The following COL5A2 variants were observed in gnomAD, a reference collection of about 807,000 sequenced individuals.
COL5A2 encodes collagen alpha-2(V) chain.
COL5A2 carries 23 observed loss-of-function variants against 208.2 expected under a neutral mutation model. The observed-to-expected ratio is 0.11, with a 90% CI of 0.08 to 0.16. The LOEUF is 0.16. COL5A2 is among the 10% of genes least tolerant of loss of function. COL5A2 has a pLI of 1.00. For missense variants in COL5A2, 1,590 were observed against 1,956.4 expected, an observed-to-expected ratio of 0.81 and a Z score of 3.53; for synonymous variants, 625 against 628.5, an observed-to-expected ratio of 0.99 and a Z score of 0.08.
intron 1 of COL5A2, chr2:189,133,114 C>CTTTTTT (rs751457732): frequency 1.6e-5 from 1 of 63,428 alleles, no homozygotes; most frequent in African/African-American, 5.1e-5. Flanking sequence ...CCAAGTACGA[C>CTTTTTT]TTTTTTTTTT....
chr2:189,051,269 T>C (rs1333438849), intron 42 of COL5A2, 51 bp downstream of exon 42: 8 of 1,611,610 alleles, frequency 5.0e-6, no homozygotes, highest in African/African-American at 1.3e-5. Context: ...TGGGTTTCTA[T>C]TTGTAAATAT....
At chr2:189,262,023 A>C in the COL5A2 span, among the ~76,000 whole-genome samples, 1 of 152,176 alleles carries the variant, frequency 6.6e-6, no homozygotes, top group Non-Finnish European at 1.5e-5. Flanking sequence ...TTGTTTTATC[A>C]ATATTACTTT....
rs144410979 is a variant in COL5A2 at position 189,051,642 on chromosome 2, CAAAAG to C, written c.2770-166_2770-162del. Among the ~76,000 whole-genome samples the C allele has an allele frequency of 0.11, 17,472 of 152,114 alleles. 1,048 individuals are homozygous for C. Among genetic ancestry groups the C allele is most frequent in the Middle Eastern group, 0.17 (50 of 292 alleles). On this transcript the variant is annotated intron_variant, in intron 41 of 53. Coordinates refer to ENST00000374866, the MANE Select transcript of COL5A2 (RefSeq NM_000393.5). The stretch of plus-strand genomic sequence containing the variant: ...TCTATAGGATTTAAACAAAACAAAA[CAAAAG>C]AAAACACAGCTGTAGATTCATTCCC...
the COL5A2 span, among the ~76,000 whole-genome samples, chr2:189,398,535 T>C: frequency 6.6e-6 from 1 of 152,166 alleles, no homozygotes; most frequent in Non-Finnish European, 1.5e-5. Flanking sequence ...TCACCTATAA[T>C]GCTTTTTTGT....
the COL5A2 span, among the ~76,000 whole-genome samples, chr2:189,412,668 G>A: frequency 1.3e-5 from 2 of 152,130 alleles, no homozygotes; most frequent in East Asian, 1.9e-4. Flanking sequence ...AAAACTTGAA[G>A]AATACAAGAT....
chr2:189,197,337 G>C (rs1409627002), intron 1 of COL5A2, among the ~76,000 whole-genome samples: 1 of 152,032 alleles, frequency 6.6e-6, no homozygotes, highest in Admixed American at 6.6e-5. Flanking sequence ...AATGCATGTG[G>C]GGCTTAAAAC....
At chr2:189,345,915 TAGTA>T in the COL5A2 span, among the ~76,000 whole-genome samples, 2 of 152,204 alleles carry the variant, frequency 1.3e-5, no homozygotes, top group Non-Finnish European at 2.9e-5. Flanking sequence ...TACTCCATAC[TAGTA>T]AGTGTTAGTT....
At chr2:189,241,687 G>A in the COL5A2 span, among the ~76,000 whole-genome samples, 1 of 152,096 alleles carries the variant, frequency 6.6e-6, no homozygotes, top group African/African-American at 2.4e-5. Context: ...CGTTGTTCGA[G>A]AAAATAATAA....
At chr2:189,236,232 GA>G in the COL5A2 span, among the ~76,000 whole-genome samples, 1 of 151,572 alleles carries the variant, frequency 6.6e-6, no homozygotes. Context: ...TCATAACCAT[GA>G]GCATGACTCT....
chr2:189,130,395 A>G (rs2105752297), intron 1 of COL5A2, among the ~76,000 whole-genome samples: 1 of 152,144 alleles, frequency 6.6e-6, no homozygotes, highest in South Asian at 2.1e-4. Flanking sequence ...ATGATTTTTG[A>G]GCACCTAATA....
Position 189,053,015 on chromosome 2 carries a change from G to T in COL5A2, c.2557C>A (p.Pro853Thr), listed in dbSNP as rs863223506. The T allele has an allele frequency of 1.2e-6, 2 of 1,613,028 alleles. No homozygotes were observed. Among genetic ancestry groups the T allele is most frequent in the Non-Finnish European group, 1.7e-6 (2 of 1,179,224 alleles). Residue 853 changes from proline to threonine, a missense_variant, in exon 39 of 54, where the codon CCT (proline) becomes ACT (threonine). Physicochemically the swap from Pro to Thr is conservative, Grantham distance 38 (BLOSUM62 -1). Coordinates refer to ENST00000374866, the MANE Select transcript of COL5A2 (RefSeq NM_000393.5). ...CCTTTTACTCCAGGCTGTCCGTCAG[G>T]ACCCTATAAAAAATTATACAAACAA... ...GAVGFAGPQG[P>T]DGQPGVKGEP...
At chr2:189,102,285 G>T (rs1267192774) in intron 3 of COL5A2, among the ~76,000 whole-genome samples, 1 of 152,066 alleles carries the variant, frequency 6.6e-6, no homozygotes, top group Non-Finnish European at 1.5e-5. Context: ...TAGGGGAATA[G>T]AACTCTCTGA....
At position 189,052,814 on chromosome 2, in the gene COL5A2, C is replaced by G; in HGVS notation, c.2662-12G>C. ...ACACCATTAGGACCCTGAATAGAAA[C>G]AAACAAAAGAGCACTATAGTGAAGC... On this transcript the variant is annotated splice_polypyrimidine_tract_variant and intron_variant, in intron 39 of 53. Transcript: ENST00000374866. 6.2e-7 allele frequency: 1 copy of G among 1,614,084 alleles called. No homozygotes were observed. The highest frequency in any genetic ancestry group is 2.2e-5 in the East Asian group (1 of 44,882).
chr2:189,423,297 A>T, the COL5A2 span, among the ~76,000 whole-genome samples: 3 of 151,970 alleles, frequency 2.0e-5, no homozygotes, highest in African/African-American at 7.2e-5. Flanking sequence ...TAAAAATTTC[A>T]AATAAACAAC....
At chr2:189,366,967 C>T in the COL5A2 span, among the ~76,000 whole-genome samples, 6 of 152,228 alleles carry the variant, frequency 3.9e-5, no homozygotes, top group Non-Finnish European at 8.8e-5. Context: ...GAAACTCTCC[C>T]GAAGGCTGTA....
chr2:189,079,216 G>T, intron 14 of COL5A2, 109 bp from the exon 15 acceptor site: 1 of 867,036 alleles, frequency 1.2e-6, no homozygotes, highest in Non-Finnish European at 1.9e-6. Flanking sequence ...ACATATGAAA[G>T]ATGTACTTTT....
chr2:189,319,583 G>A, the COL5A2 span, among the ~76,000 whole-genome samples: 1 of 152,248 alleles, frequency 6.6e-6, no homozygotes, highest in South Asian at 2.1e-4. Context: ...ATAGCAGTCT[G>A]AGATCAAACT....
Position 189,065,031 on chromosome 2 carries a change from T to C in COL5A2, c.1590A>G (p.Pro530=), listed in dbSNP as rs769346163. Residue 530 remains proline, a synonymous_variant, in exon 24 of 54, where the codon CCA becomes CCG. Transcript: ENST00000374866. ...TTGGCCCAGGTAAACCATCAGAGCC[T>C]GGAAAACCACGATTGCCAGGAGCAC... ...ERGAPGNRGF[P]GSDGLPGPKG... The C allele has an allele frequency of 2.5e-6, 4 of 1,613,612 alleles. No homozygotes were observed. The highest frequency in any genetic ancestry group is 3.4e-6 in the Non-Finnish European group (4 of 1,179,856).
At chr2:189,411,206 A>C in the COL5A2 span, among the ~76,000 whole-genome samples, 36 of 152,240 alleles carry the variant, frequency 2.4e-4, no homozygotes, top group African/African-American at 8.2e-4. Context: ...TTCTCTGTAA[A>C]GTCTTCTTTA....
Sources: gnomAD v4.1 joint callset for allele counts (sites outside exome capture counted in the v4.1 genomes callset) on GRCh38, gnomAD v4.1.1 for gene constraint, MANE v1.5 for transcripts, NCBI Gene and HGNC (gene_info 2026-07-23, HGNC 2026-07-21) for gene names.